The following FER1L5 variants were observed in gnomAD, a reference collection of about 807,000 sequenced individuals.
FER1L5 encodes the protein fer-1-like protein 5.
FER1L5 carries 187 observed loss-of-function variants against 279.9 expected under a neutral mutation model. The ratio of observed to expected loss-of-function variants is 0.67; its 90% CI spans 0.59 to 0.75. The LOEUF is 0.75. FER1L5 is among the 30% of genes least tolerant of loss of function. The pLI, the probability that FER1L5 is intolerant of heterozygous loss-of-function variation, is 0.00. For synonymous variants in FER1L5, 921 were observed against 989.7 expected, an observed-to-expected ratio of 0.93 and a Z score of 1.30; for missense variants, 2,091 against 2,594.4, an observed-to-expected ratio of 0.81 and a Z score of 4.21.
chr2:96,671,550 T>C (rs1179401644), intron 18 of FER1L5, among the ~76,000 whole-genome samples: 2 of 152,238 alleles, frequency 1.3e-5, no homozygotes, highest in Non-Finnish European at 2.9e-5. Flanking sequence ...GAAACCCATC[T>C]CTGACATGTG....
At chr2:96,645,840 A>C (rs1023778248) in intron 1 of FER1L5, among the ~76,000 whole-genome samples, 1 of 152,148 alleles carries the variant, frequency 6.6e-6, no homozygotes, top group African/African-American at 2.4e-5. Context: ...AAACAAAGAA[A>C]GAAAATGAAA....
chr2:96,695,637 T>C lies in FER1L5; in HGVS notation c.3870T>C (p.Ser1290=), dbSNP rs1156592369. ...AGACCAACCCCAACTTCCCCGAGTC[T>C]GAGTCTGTCCTAGTCCTCACAGTGG... The part of the protein sequence containing the change: ...DFQTNPNFPE[S]ESVLVLTVLM... The change falls in exon 35 of 53, where the codon TCT becomes TCC. Residue 1290 remains serine, a synonymous_variant. Transcript: ENST00000624922. 6.2e-7 allele frequency: 1 copy of C among 1,606,586 alleles called. No homozygotes were observed. Among genetic ancestry groups the C allele is most frequent in the Admixed American group, 1.7e-5 (1 of 58,880 alleles).
At chr2:96,699,307 C>T (rs910994633) in intron 42 of FER1L5, among the ~76,000 whole-genome samples, 171 bp downstream of exon 42, 2 of 152,144 alleles carry the variant, frequency 1.3e-5, no homozygotes, top group African/African-American at 4.8e-5. Context: ...ATGGGTGGGC[C>T]GGTTCTACCC....
chr2:96,699,448 C>T, intron 42 of FER1L5, 102 bp from the exon 43 acceptor site: 2 of 1,324,250 alleles, frequency 1.5e-6, no homozygotes, highest in South Asian at 2.7e-5. Context: ...TCCACAATCT[C>T]CATGAACAAA....
In FER1L5 at chr2:96,698,997, G is replaced by T. The variant is rs1037954576; in HGVS notation, c.4519-48G>T. The T allele has an allele frequency of 4.5e-6, 7 of 1,562,906 alleles. No individual in the cohort carries two copies. The highest frequency in any genetic ancestry group is 4.7e-5 in the East Asian group (2 of 42,138). ...CCTCCCACCCTCCCTGACAAACCTGGACGGCCTCCCCAGTTCCTATCCTTC... is the reference window on the plus strand; with the variant it reads ...CCTCCCACCCTCCCTGACAAACCTGTACGGCCTCCCCAGTTCCTATCCTTC... On this transcript the variant is annotated intron_variant, in intron 41 of 52. Transcript: ENST00000624922. The surrounding 1 kb of genome is among the most constrained non-coding windows in gnomAD (Gnocchi z 5.5).
At chr2:96,676,639 T>G (rs1200921329) in intron 19 of FER1L5, among the ~76,000 whole-genome samples, 1 of 151,980 alleles carries the variant, frequency 6.6e-6, no homozygotes, top group African/African-American at 2.4e-5. Flanking sequence ...TTGTTTTTTT[T>G]TTTTTTTAGT....
At chr2:96,697,888 C>T (rs538708343) in intron 39 of FER1L5, 127 bp downstream of exon 39, 3 of 1,440,946 alleles carry the variant, frequency 2.1e-6, no homozygotes, top group East Asian at 2.5e-5. Context: ...GAGACAGCTC[C>T]AGCTGCCACC....
intron 37 of FER1L5, among the ~76,000 whole-genome samples, chr2:96,696,849 G>A (rs2077403551): frequency 2.0e-5 from 3 of 152,278 alleles, no homozygotes; most frequent in African/African-American, 7.2e-5. Context: ...AGGTTGCAGT[G>A]AATCAAGATC....
At chr2:96,648,808 C>T (rs1370055794) in intron 4 of FER1L5, among the ~76,000 whole-genome samples, 3 of 152,200 alleles carry the variant, frequency 2.0e-5, no homozygotes, top group African/African-American at 4.8e-5. Flanking sequence ...TGTATGCAGA[C>T]AGTCTGTGAC....
intron 35 of FER1L5, 26 bp downstream of exon 35, chr2:96,695,687 G>A (rs1396081715): frequency 1.9e-6 from 3 of 1,606,288 alleles, no homozygotes; most frequent in Admixed American, 1.7e-5. Context: ...GCAGGGGCTG[G>A]GCAGCCCTCT....
rs565535537 is a variant in FER1L5, at chr2:96,693,574, C to G, written c.3361C>G (p.Pro1121Ala). ...CCAAACCCTGAGGAGCTCTGCAGGC[C>G]CCACATGGGCCCAGACACTCATCTT... ...CTQTLRSSAGPTWAQTLIFQH... is the reference protein window; with the variant it reads ...CTQTLRSSAGATWAQTLIFQH... The change falls in exon 32 of 53, where the codon CCC becomes GCC. Residue 1121 changes from proline to alanine, a missense_variant. Pro to Ala is a conservative substitution (Grantham distance 27, BLOSUM62 -1). Coordinates refer to ENST00000624922, the MANE Select transcript of FER1L5 (RefSeq NM_001293083.2). 33 of 1,551,594 alleles carry G rather than the reference C, an allele frequency of 2.1e-5. No homozygotes were observed. The highest frequency in any genetic ancestry group is 2.7e-5 in the African/African-American group (2 of 73,154).
chr2:96,651,251 CTTTCTTTCTTTCT>C (rs2075357175), intron 6 of FER1L5, among the ~76,000 whole-genome samples: 3 of 128,554 alleles, frequency 2.3e-5, no homozygotes, highest in African/African-American at 8.2e-5. Flanking sequence ...TTCTTTCTTT[CTTTCTTTCTTTCT>C]TTCTTTCTTT....
At chr2:96,683,981 G>A (rs1005222111) in intron 19 of FER1L5, among the ~76,000 whole-genome samples, 7 of 152,086 alleles carry the variant, frequency 4.6e-5, no homozygotes, top group African/African-American at 9.7e-5. Context: ...CTGGCATCTC[G>A]CTTGAGGTTC....
chr2:96,680,713 A>G (rs2076688679), intron 19 of FER1L5, among the ~76,000 whole-genome samples: 1 of 152,206 alleles, frequency 6.6e-6, no homozygotes, highest in African/African-American at 2.4e-5. Flanking sequence ...TACCTATGGA[A>G]AAGTACACAA....
At chr2:96,671,155 A>ATTGTGTTAATTCGTGACCTAGT (rs2076317180) in intron 18 of FER1L5, among the ~76,000 whole-genome samples, 1 of 148,188 alleles carries the variant, frequency 6.7e-6, no homozygotes. Context: ...TTAAGGAGAA[A>ATTGTGTTAATTCGTGACCTAGT]TTGTGTTAAT....
chr2:96,702,106 C>A lies in FER1L5; in HGVS notation c.5159+63C>A. ...AGTTCAGAACTCCCCCAGTGCAGGG[C>A]ACCACTGTCCTCAGGTACTGAGCTG... On this transcript the variant is annotated intron_variant, in intron 46 of 52. Transcript: ENST00000624922. This position sits in a 1 kb window ranked among gnomAD's most constrained non-coding sequence, Gnocchi z 4.0. 1 of 1,586,976 alleles carries A rather than the reference C, an allele frequency of 6.3e-7. No homozygotes were observed. Among genetic ancestry groups the A allele is most frequent in the Non-Finnish European group, 8.6e-7 (1 of 1,158,578 alleles).
chr2:96,676,378 G>A (rs2076509871), intron 19 of FER1L5, among the ~76,000 whole-genome samples: 1 of 152,116 alleles, frequency 6.6e-6, no homozygotes, highest in Admixed American at 6.5e-5. Context: ...TGTTGATCAG[G>A]CTGGTCTCAA....
At position 96,694,279 on chromosome 2, in the gene FER1L5, G is replaced by T; in HGVS notation, c.3637-81G>T. 1 of 1,384,882 alleles carries T rather than the reference G, an allele frequency of 7.2e-7. No individual in the cohort carries two copies. Among genetic ancestry groups the T allele is most frequent in the African/African-American group, 1.5e-5 (1 of 68,832 alleles). 85.8% of individuals were successfully genotyped at this position (1,384,882 alleles called of 1,614,324 possible). A position where few individuals can be genotyped will look rare whatever the true frequency, so the allele number is the denominator to read the frequency against. Reference sequence around the variant, plus strand: ...CCCATGGGGCTCTGGGCTCGGTGAGGCCTCTGAGGGACCTGCTTGAGGTGA... The same window carrying T: ...CCCATGGGGCTCTGGGCTCGGTGAGTCCTCTGAGGGACCTGCTTGAGGTGA... On this transcript the variant is annotated intron_variant, in intron 33 of 52. Coordinates refer to ENST00000624922, the MANE Select transcript of FER1L5 (RefSeq NM_001293083.2). The surrounding 1 kb of genome is among the most constrained non-coding windows in gnomAD (Gnocchi z 4.6).
chr2:96,653,769 C>CT (rs1410050176), intron 8 of FER1L5, 67 bp downstream of exon 8: 17 of 1,228,328 alleles, frequency 1.4e-5, no homozygotes, highest in Non-Finnish European at 2.0e-5. Flanking sequence ...GGAAGCACTA[C>CT]AGCTCCAGCC....
Sources: allele counts gnomAD v4.1 joint callset (sites outside exome capture counted in the v4.1 genomes callset), GRCh38; gene constraint gnomAD v4.1.1; non-coding constraint Gnocchi (gnomAD v3.1); transcripts MANE v1.5; gene names NCBI Gene and HGNC (gene_info 2026-07-23, HGNC 2026-07-21).